The following CSGALNACT1 variants were observed in gnomAD, a reference collection of about 807,000 sequenced individuals.
The protein encoded by CSGALNACT1 is chondroitin sulfate N-acetylgalactosaminyltransferase 1, also known as beta4GalNAcT-1.
A neutral mutation model predicts 51.0 loss-of-function variants in CSGALNACT1; 52 were observed. The ratio of observed to expected loss-of-function variants is 1.02; its 90% confidence interval spans 0.82 to 1.29. CSGALNACT1 has a LOEUF of 1.29. Among genes scored for constraint, CSGALNACT1 ranks in the 50% most tolerant of loss-of-function variants. The pLI, the probability that CSGALNACT1 is intolerant of heterozygous loss-of-function variation, is 0.00. For missense variants in CSGALNACT1, 935 were observed against 679.2 expected, an observed-to-expected ratio of 1.38 and a Z score of -4.19; for synonymous variants, 341 against 254.4, an observed-to-expected ratio of 1.34 and a Z score of -3.24.
chr8:19,677,800 TA>T (rs2060303729), intron 1 of CSGALNACT1, among the ~76,000 whole-genome samples: 1 of 152,140 alleles, frequency 6.6e-6, no homozygotes, highest in Non-Finnish European at 1.5e-5. Context: ...GGGAAATAGG[TA>T]AAGCAGAAAT....
At chr8:19,436,696 C>G (rs1419332224) in intron 6 of CSGALNACT1, among the ~76,000 whole-genome samples, 1 of 152,050 alleles carries the variant, frequency 6.6e-6, no homozygotes, top group Non-Finnish European at 1.5e-5. Context: ...TGCTCAAGGC[C>G]AGGGGTTTGA....
At chr8:19,621,685 A>G (rs1292273218) in intron 1 of CSGALNACT1, among the ~76,000 whole-genome samples, 1 of 151,988 alleles carries the variant, frequency 6.6e-6, no homozygotes, top group African/African-American at 2.4e-5. Context: ...GGAGGGTGAG[A>G]CAGGAGGATC....
intron 4 of CSGALNACT1, among the ~76,000 whole-genome samples, chr8:19,490,606 C>T (rs113893043): frequency 1.3e-5 from 2 of 152,288 alleles, no homozygotes; most frequent in East Asian, 1.9e-4. Flanking sequence ...TAAATCCACA[C>T]CAGCTTAGTG....
exon 4 of CSGALNACT1, chr8:19,505,475 G>C (rs771507744): frequency 1.3e-5 from 21 of 1,614,066 alleles, no homozygotes; most frequent in Admixed American, 1.7e-5. Context: ...GGAAGGCCAG[G>C]AGGTCGGCCT....
chr8:19,527,885 C>T (rs1165003313), intron 3 of CSGALNACT1, among the ~76,000 whole-genome samples: 1 of 152,074 alleles, frequency 6.6e-6, no homozygotes, highest in African/African-American at 2.4e-5. Flanking sequence ...GAGCTGTACG[C>T]CAGAGAGGTA....
exon 10 of CSGALNACT1, chr8:19,404,682 AAG>A: frequency 2.2e-6 from 1 of 454,192 alleles, no homozygotes; most frequent in Non-Finnish European, 4.4e-6. Context: ...CTGTTTTGAA[AAG>A]AGATTGTTTG....
intron 1 of CSGALNACT1, among the ~76,000 whole-genome samples, chr8:19,716,629 A>AAG (rs1222765775): frequency 2.0e-5 from 3 of 148,504 alleles, no homozygotes; most frequent in Non-Finnish European, 1.5e-5. Context: ...AAAAAAAAAA[A>AAG]AAAAAAAAAA....
At chr8:19,430,932 T>G (rs2153725327) in intron 6 of CSGALNACT1, among the ~76,000 whole-genome samples, 1 of 152,308 alleles carries the variant, frequency 6.6e-6, no homozygotes, top group East Asian at 1.9e-4. Flanking sequence ...TTTCTAAACC[T>G]TTTTTATATT....
Position 19,561,175 on chromosome 8 carries a change from G to C in CSGALNACT1, c.-297+29985C>G, listed in dbSNP as rs1343338442. Among the ~76,000 whole-genome samples, 3 of 152,118 alleles carry C rather than the reference G, an allele frequency of 2.0e-5. No homozygotes were observed. In the East Asian group the frequency reaches 5.8e-4, roughly 29 times the overall value. On this transcript the variant is annotated intron_variant, in intron 3 of 9. Coordinates refer to ENST00000454498, the Ensembl canonical transcript of CSGALNACT1. ...GACTAGGTGTCTGTGGGAGAGGAAA[G>C]GAGTGTGATCAGGAAGGGACTCATG...
upstream of CSGALNACT1, chr8:19,682,851 G>A (rs1321777391): frequency 5.0e-6 from 2 of 399,090 alleles, no homozygotes; most frequent in East Asian, 7.3e-5. Flanking sequence ...CCAGGACACT[G>A]CAGTCAGCAG....
At chr8:19,605,035 C>G (rs1345616633), upstream of CSGALNACT1, among the ~76,000 whole-genome samples, 2 of 152,184 alleles carry the variant, frequency 1.3e-5, no homozygotes, top group African/African-American at 2.4e-5. Context: ...GGAACACAGC[C>G]CACCCTGATC....
At chr8:19,682,885 C>T (rs367866405), upstream of CSGALNACT1, 3 of 366,046 alleles carry the variant, frequency 8.2e-6, no homozygotes, top group Non-Finnish European at 1.1e-5. Flanking sequence ...AACTGCAGAC[C>T]GCTGTCAAGC....
intron 3 of CSGALNACT1, among the ~76,000 whole-genome samples, chr8:19,517,338 G>C (rs917344357): frequency 6.6e-6 from 1 of 152,156 alleles, no homozygotes; most frequent in Non-Finnish European, 1.5e-5. Flanking sequence ...TGCTCGGGAG[G>C]CTGAGGCAGG....
At chr8:19,598,932 C>T (rs1279953158) in intron 2 of CSGALNACT1, among the ~76,000 whole-genome samples, 2 of 152,174 alleles carry the variant, frequency 1.3e-5, no homozygotes, top group Admixed American at 6.5e-5. Context: ...GAGCCAGGCA[C>T]TGGTCCTCAA....
intron 1 of CSGALNACT1, among the ~76,000 whole-genome samples, chr8:19,723,912 G>A (rs1194123846): frequency 6.6e-6 from 1 of 152,136 alleles, no homozygotes; most frequent in Non-Finnish European, 1.5e-5. Context: ...TATTTTTAAA[G>A]ATTAGGAAAC....
At position 19,448,655 on chromosome 8, in the gene CSGALNACT1, G is replaced by A. The variant is rs185763978; in HGVS notation, c.852-8724C>T. Among the ~76,000 whole-genome samples, 10 of 152,104 alleles carry A rather than the reference G, an allele frequency of 6.6e-5. 1 individual carries two copies. The highest frequency in any genetic ancestry group is 8.8e-5 in the Non-Finnish European group (6 of 68,020). On this transcript the variant is annotated intron_variant, in intron 5 of 9. Coordinates refer to ENST00000454498, the Ensembl canonical transcript of CSGALNACT1. ...GGGGATCCAGGCTGAGCCTTGATAG[G>A]TGAGTAGCCACCCCGCACATGAACA... is the stretch of plus-strand genomic sequence containing the variant.
intron 3 of CSGALNACT1, among the ~76,000 whole-genome samples, chr8:19,567,955 A>G (rs2042227755): frequency 6.6e-6 from 1 of 152,220 alleles, no homozygotes; most frequent in South Asian, 2.1e-4. Flanking sequence ...AAACATAACT[A>G]TGAAAATGAT....
At chr8:19,603,170 G>T (rs2050818054), upstream of CSGALNACT1, among the ~76,000 whole-genome samples, 3 of 149,132 alleles carry the variant, frequency 2.0e-5, no homozygotes. Flanking sequence ...GGCCCAGAAA[G>T]CGCCAAAGGA....
At chr8:19,545,432 A>T (rs886218754) in intron 3 of CSGALNACT1, among the ~76,000 whole-genome samples, 10 of 152,232 alleles carry the variant, frequency 6.6e-5, no homozygotes, top group African/African-American at 2.2e-4. Context: ...CCTCATGCCT[A>T]TAACTTTTGT....
Sources: gnomAD v4.1 joint callset for allele counts (sites outside exome capture counted in the v4.1 genomes callset) on GRCh38, gnomAD v4.1.1 for gene constraint, MANE v1.5 for transcripts, NCBI Gene and HGNC (gene_info 2026-07-23, HGNC 2026-07-21) for gene names.